KDM4B: variants seen among roughly 807,000 people sequenced by gnomAD.
KDM4B encodes lysine demethylase 4B, also known as lysine-specific demethylase 4B.
A neutral mutation model predicts 125.2 loss-of-function variants in KDM4B; 32 were observed. The ratio of observed to expected loss-of-function variants is 0.26; its 90% CI spans 0.19 to 0.34. The LOEUF (loss-of-function observed/expected upper bound fraction) is 0.34. Among genes scored for constraint, KDM4B ranks in the 10% least tolerant of loss-of-function variants. The pLI is 1.00. For missense variants in KDM4B, 1,190 were observed against 1,577.7 expected, an observed-to-expected ratio of 0.75 and a Z score of 4.16; for synonymous variants, 721 against 677.9, an observed-to-expected ratio of 1.06 and a Z score of -0.99.
chr19:5,027,135 C>T lies in KDM4B; in HGVS notation c.-25-5731C>T, dbSNP rs570021546. 2.8e-4 allele frequency among the ~76,000 whole-genome samples: 42 copies of T among 152,354 alleles called. 1 individual carries two copies. The South Asian group carries it at 5.4e-3, about 20-fold the overall frequency. On this transcript the variant is annotated intron_variant, in intron 2 of 22. Transcript: ENST00000159111. ...GGCCTGGCAGCAGCACTATGAGCAG[C>T]GGCAGGTGCAGGGTGCCACCAGGCA...
intron 1 of KDM4B, among the ~76,000 whole-genome samples, chr19:4,970,211 C>T (rs933670250): frequency 6.6e-6 from 1 of 152,230 alleles, no homozygotes; most frequent in Non-Finnish European, 1.5e-5. Context: ...ATGTTTTCCG[C>T]CCCTGGGGGC....
At chr19:5,110,182 A>G (rs1328470463) in intron 9 of KDM4B, among the ~76,000 whole-genome samples, 1 of 152,192 alleles carries the variant, frequency 6.6e-6, no homozygotes, top group Non-Finnish European at 1.5e-5. Context: ...TAGAAGTTCT[A>G]GAAACAGAGC....
Position 5,081,237 on chromosome 19 carries a change from A to G in KDM4B, c.781-1130A>G, listed in dbSNP as rs2038284466. Among the ~76,000 whole-genome samples, 1 of 152,214 alleles carries G rather than the reference A, an allele frequency of 6.6e-6. No individual in the cohort carries two copies. Among genetic ancestry groups the G allele is most frequent in the African/African-American group, 2.4e-5 (1 of 41,450 alleles). On this transcript the variant is annotated intron_variant, in intron 8 of 22. Coordinates refer to ENST00000159111, the MANE Select transcript of KDM4B (RefSeq NM_015015.3). The surrounding 1 kb of genome is among the most constrained non-coding windows in gnomAD (Gnocchi z 4.2). The stretch of plus-strand genomic sequence containing the variant: ...GTTTCCACGTCTGTGGATTGGGCCC[A>G]CAGCCCCACCTCCTAGAAGCCCTTG...
intron 1 of KDM4B, among the ~76,000 whole-genome samples, chr19:4,984,433 C>T (rs2034756859): frequency 6.6e-6 from 1 of 152,160 alleles, no homozygotes; most frequent in Non-Finnish European, 1.5e-5. Flanking sequence ...TTTGCGGCCT[C>T]TTTATTATAA....
Position 5,058,752 on chromosome 19 carries a change from C to T in KDM4B, c.626+11083C>T, listed in dbSNP as rs16992776. On this transcript the variant is annotated intron_variant, in intron 6 of 22. Coordinates refer to ENST00000159111, the MANE Select transcript of KDM4B (RefSeq NM_015015.3). Reference sequence around the variant, plus strand: ...TTTGGAGTCTTTTGTTCAAAGCGGGCGCTTCGGGTTGGAGTGGCAGTGCAC... The same window carrying T: ...TTTGGAGTCTTTTGTTCAAAGCGGGTGCTTCGGGTTGGAGTGGCAGTGCAC... Among the ~76,000 whole-genome samples, 1,447 of 152,266 alleles carry T rather than the reference C, an allele frequency of 9.5e-3. 8 individuals are homozygous for T. The highest frequency in any genetic ancestry group is 0.054 in the Middle Eastern group (16 of 294).
intron 1 of KDM4B, among the ~76,000 whole-genome samples, chr19:4,977,059 TG>T (rs1202342577): frequency 6.6e-6 from 1 of 152,160 alleles, no homozygotes; most frequent in Non-Finnish European, 1.5e-5. Context: ...TATTTTTGCT[TG>T]CCCCCTCTCT....
At chr19:5,093,907 T>A (rs1400357199) in intron 9 of KDM4B, among the ~76,000 whole-genome samples, 2 of 152,172 alleles carry the variant, frequency 1.3e-5, no homozygotes, top group Non-Finnish European at 2.9e-5. Context: ...CGGCCTGGTG[T>A]GTCTGCCACC....
In KDM4B at chr19:5,091,468, C is replaced by T. The variant is rs544116939; in HGVS notation, c.918+8964C>T. Among the ~76,000 whole-genome samples the T allele has an allele frequency of 1.3e-3, 196 of 152,200 alleles. 1 individual carries two copies. The highest frequency in any genetic ancestry group is 3.4e-3 in the Middle Eastern group (1 of 294). On this transcript the variant is annotated intron_variant, in intron 9 of 22. Coordinates refer to ENST00000159111, the MANE Select transcript of KDM4B (RefSeq NM_015015.3). ...GGGAAGGGGACGATGACTTGGATTCCCCAGAGGCGCCATTCCAGGAAACGG... is the reference window on the plus strand; with the variant it reads ...GGGAAGGGGACGATGACTTGGATTCTCCAGAGGCGCCATTCCAGGAAACGG...
At chr19:5,015,662 C>G (rs562178940) in intron 1 of KDM4B, among the ~76,000 whole-genome samples, 1 of 152,118 alleles carries the variant, frequency 6.6e-6, no homozygotes, top group East Asian at 1.9e-4. Context: ...CCAGCCTGGA[C>G]GCTATAGTGA....
At chr19:5,060,754 C>G (rs967210626) in intron 6 of KDM4B, among the ~76,000 whole-genome samples, 11 of 152,186 alleles carry the variant, frequency 7.2e-5, no homozygotes, top group African/African-American at 2.7e-4. Context: ...TGTGTCCGAA[C>G]CTGACAGCCG....
Position 5,134,011 on chromosome 19 carries a change from C to G in KDM4B, c.2035C>G (p.Arg679Gly), listed in dbSNP as rs140874022. The G allele has an allele frequency of 6.2e-7, 1 of 1,610,956 alleles. No individual in the cohort carries two copies. The highest frequency in any genetic ancestry group is 8.5e-7 in the Non-Finnish European group (1 of 1,179,730). Residue 679 changes from arginine to glycine, a missense_variant, in exon 14 of 23, where the codon CGC (arginine) becomes GGC (glycine). Physicochemically the swap from Arg to Gly is moderately radical, Grantham distance 125. Around this residue, in one of 7 missense-constraint regions of KDM4B, gnomAD observed 128 missense variants for 137.8 expected, o/e 0.93. Transcript: ENST00000159111. ...GAGGAAGTTCAACGCAGCGGCTGCG[C>G]GCACGGAGCCCTACTGCGCCATCTG... ...AERKFNAAAA[R>G]TEPYCAICTL...
intron 14 of KDM4B, among the ~76,000 whole-genome samples, chr19:5,134,555 C>T (rs1022397290): frequency 2.6e-5 from 4 of 152,202 alleles, no homozygotes; most frequent in African/African-American, 4.8e-5. Context: ...CCACGGCCAT[C>T]CCAGGCATCA....
intron 9 of KDM4B, among the ~76,000 whole-genome samples, chr19:5,084,551 TATATAAATTATATAAATTATA>T (rs2038421645): frequency 8.1e-6 from 1 of 124,084 alleles, no homozygotes; most frequent in Non-Finnish European, 1.7e-5. Context: ...TTATATATAA[TATATAAATTATATAAATTATA>T]TGTATTATAT....
At chr19:5,019,703 TTGGTGTGCAGG>T (rs1311766539) in intron 2 of KDM4B, among the ~76,000 whole-genome samples, 71 of 141,436 alleles carry the variant, frequency 5.0e-4, no homozygotes, top group Admixed American at 8.5e-4. Flanking sequence ...GGTGTGGGTG[TTGGTGTGCAGG>T]TGGTGTGCAG....
rs768283280 is a variant in KDM4B, at chr19:5,135,473, G to T, written c.2220G>T (p.Thr740=). The change falls in exon 15 of 23, where the codon ACG becomes ACT. Residue 740 remains threonine (T), a synonymous_variant. Coordinates refer to ENST00000159111, the MANE Select transcript of KDM4B (RefSeq NM_015015.3). ...GCTTCACCTCTGGCGGTGAGAACAC[G>T]GAGCCGCTGCCTGCCAACTCCTACA... ...EMCFTSGGEN[T]EPLPANSYIG... 1 of 1,613,266 alleles carries T rather than the reference G, an allele frequency of 6.2e-7. No homozygotes were observed. Among genetic ancestry groups the T allele is most frequent in the East Asian group, 2.2e-5 (1 of 44,864 alleles).
chr19:5,033,135 C>G (rs925031810), intron 3 of KDM4B, 104 bp downstream of exon 3: 1 of 1,342,122 alleles, frequency 7.5e-7, no homozygotes, highest in African/African-American at 1.5e-5. Context: ...GTGGCCTGTG[C>G]ACGTGGAATG....
At chr19:4,993,674 G>C (rs1001429578) in intron 1 of KDM4B, among the ~76,000 whole-genome samples, 1 of 151,616 alleles carries the variant, frequency 6.6e-6, no homozygotes, top group African/African-American at 2.4e-5. Context: ...GCAGTGTTGC[G>C]ATCATGGCTC....
In KDM4B at chr19:5,150,438, C is replaced by A. The variant is rs1226657873; in HGVS notation, c.3102C>A (p.Val1034=). 3 of 1,550,302 alleles carry A rather than the reference C, an allele frequency of 1.9e-6. No homozygotes were observed. The highest frequency in any genetic ancestry group is 2.6e-6 in the Non-Finnish European group (3 of 1,146,662). The change falls in exon 22 of 23, where the codon GTC becomes GTA. Residue 1034 remains valine (V), a synonymous_variant. Transcript: ENST00000159111. The stretch of plus-strand genomic sequence containing the variant: ...TGGAGGAGGAGCTGCCCAAGAGGGT[C>A]CGCTCTCGGCTGGTGAGTGCGCGAG... ...FTLEEELPKR[V]RSRLSLSTGA...
At chr19:5,138,112 G>A (rs1204223183) in intron 18 of KDM4B, 42 bp downstream of exon 18, 1 of 1,505,962 alleles carries the variant, frequency 6.6e-7, no homozygotes, top group South Asian at 1.2e-5. Context: ...CGTGCCTCTA[G>A]GGCTGCCGGC....
Sources: gnomAD v4.1 joint callset for allele counts (sites outside exome capture counted in the v4.1 genomes callset) on GRCh38, gnomAD v4.1.1 for gene constraint, gnomAD v4.1.1 regional missense constraint, Gnocchi (gnomAD v3.1) non-coding constraint, MANE v1.5 for transcripts, NCBI Gene and HGNC (gene_info 2026-07-23, HGNC 2026-07-21) for gene names.